The following CHERP variants were observed in gnomAD, a reference collection of about 807,000 sequenced individuals.
CHERP encodes calcium homeostasis endoplasmic reticulum protein, also known as ERPROT 213-21.
In CHERP, 8 loss-of-function variants were observed where a neutral mutation model predicts 113.8. That is an observed-to-expected ratio of 0.07 (90% CI 0.04 to 0.13). The LOEUF (loss-of-function observed/expected upper bound fraction) is 0.13, where lower values mean the gene tolerates loss of function less well. Ranked by LOEUF, CHERP falls within the 10% of genes least tolerant of loss-of-function variation. CHERP has a pLI of 1.00. For synonymous variants in CHERP, 559 were observed against 524.5 expected, an observed-to-expected ratio of 1.07 and a Z score of -0.90; for missense variants, 884 against 1,298.2, an observed-to-expected ratio of 0.68 and a Z score of 4.90.
rs1263572829 is a variant in CHERP, at chr19:16,529,907, G to A, written c.877-7C>T. 1.2e-6 allele frequency: 2 copies of A among 1,611,778 alleles called. No homozygotes were observed. Among genetic ancestry groups the A allele is most frequent in the African/African-American group, 1.3e-5 (1 of 74,912 alleles). ...ACTCGTTGATGAGGGTGGCCTGAGAGAGAGAAGAGCACCCGCTGCTCAGTA... is the reference window on the plus strand; with the variant it reads ...ACTCGTTGATGAGGGTGGCCTGAGAAAGAGAAGAGCACCCGCTGCTCAGTA... On this transcript the variant is annotated splice_region_variant and splice_polypyrimidine_tract_variant and intron_variant, in intron 7 of 16. Coordinates refer to ENST00000546361, the MANE Select transcript of CHERP (RefSeq NM_006387.6).
At chr19:16,527,233 C>G (rs565253941) in intron 9 of CHERP, among the ~76,000 whole-genome samples, 1 of 152,158 alleles carries the variant, frequency 6.6e-6, no homozygotes, top group Admixed American at 6.5e-5. Flanking sequence ...CAAGAACTGC[C>G]CCCCCCAGCA....
At position 16,535,675 on chromosome 19, in the gene CHERP, G is replaced by T; in HGVS notation, c.200-39C>A. Reference sequence around the variant, plus strand: ...AGGAGGGGTGCCCCATGAGAATGCAGATGGGGGTCTAGGTGTCCCCTTGGC... The same window carrying T: ...AGGAGGGGTGCCCCATGAGAATGCATATGGGGGTCTAGGTGTCCCCTTGGC... On this transcript the variant is annotated intron_variant, in intron 2 of 16. Transcript: ENST00000546361. The surrounding 1 kb of genome is among the most constrained non-coding windows in gnomAD (Gnocchi z 4.3). The T allele has an allele frequency of 6.8e-7, 1 of 1,463,990 alleles. No individual in the cohort carries two copies. The allele number at this position is 1,463,990 out of a possible 1,614,324, so 90.7% of individuals were successfully genotyped here. A position where few individuals can be genotyped will look rare whatever the true frequency, so the allele number is the denominator to read the frequency against.
At chr19:16,528,728 T>TG (rs2085673860) in intron 8 of CHERP, among the ~76,000 whole-genome samples, 1 of 152,116 alleles carries the variant, frequency 6.6e-6, no homozygotes, top group Non-Finnish European at 1.5e-5. Flanking sequence ...CTGAGGTGGG[T>TG]GGATCCCAAG....
In CHERP at chr19:16,518,655, G is replaced by A. The variant is rs1420974302; in HGVS notation, c.*504C>T. ...TGTGTTTCTGTTTTTCAATCCGCGG[G>A]CAGTCATGGCACTGGGCTTCGGCTT... On this transcript the variant is annotated 3_prime_UTR_variant, in exon 17 of 17. Transcript: ENST00000546361. 8 of 154,070 alleles carry A rather than the reference G, an allele frequency of 5.2e-5. No homozygotes were observed. The highest frequency in any genetic ancestry group is 6.5e-5 in the Admixed American group (1 of 15,334). The allele number at this position is 154,070 out of a possible 1,614,324, so 9.5% of individuals were successfully genotyped here.
In CHERP at chr19:16,519,854, A is replaced by C. The variant is rs1599744517; in HGVS notation, c.2463-139T>G. ...CACCGTATGCAGATTTTGCGTCTCT[A>C]CCCGTTTATCCTGTCTCAGCTAGAT... On this transcript the variant is annotated intron_variant, in intron 15 of 16. Coordinates refer to ENST00000546361, the MANE Select transcript of CHERP (RefSeq NM_006387.6). This position sits in a 1 kb window ranked among gnomAD's most constrained non-coding sequence, Gnocchi z 6.0. 1.3e-6 allele frequency: 1 copy of C among 793,832 alleles called. No homozygotes were observed. The allele number at this position is 793,832 out of a possible 1,614,324, so 49.2% of individuals were successfully genotyped here.
rs763728092 is a variant in CHERP, at chr19:16,529,665, G to A, written c.1112C>T (p.Pro371Leu). 1.8e-5 allele frequency: 28 copies of A among 1,549,064 alleles called. No individual in the cohort carries two copies. The highest frequency in any genetic ancestry group is 2.4e-5 in the South Asian group (2 of 85,006). The change falls in exon 8 of 17, where the codon CCG becomes CTG. Residue 371 changes from proline to leucine, a missense_variant. Pro to Leu is a moderately conservative substitution (Grantham distance 98). Transcript: ENST00000546361. ...CCCCGTACCAGGCTGGGTGGTGGGCGGGATGGCAGGGGCAGGTGCTGGGGC... is the reference window on the plus strand; with the variant it reads ...CCCCGTACCAGGCTGGGTGGTGGGCAGGATGGCAGGGGCAGGTGCTGGGGC... The part of the protein sequence containing the change: ...PPAPAPAPAI[P>L]PTTQPDDSKP...
intron 2 of CHERP, among the ~76,000 whole-genome samples, chr19:16,536,942 G>A (rs540273676): frequency 6.6e-6 from 1 of 152,320 alleles, no homozygotes; most frequent in Non-Finnish European, 1.5e-5. Flanking sequence ...AGCTTGCAAG[G>A]TGGAGGTTGC....
intron 11 of CHERP, among the ~76,000 whole-genome samples, chr19:16,522,543 G>A (rs1013186834): frequency 2.0e-5 from 3 of 152,174 alleles, no homozygotes; most frequent in African/African-American, 7.2e-5. Context: ...ACAGGTGTGA[G>A]CCACTACGCC....
chr19:16,538,139 T>C (rs1328331451), intron 2 of CHERP, among the ~76,000 whole-genome samples: 1 of 151,772 alleles, frequency 6.6e-6, no homozygotes, highest in Non-Finnish European at 1.5e-5. Context: ...CTCACTCCTC[T>C]CCAAGCCAGG....
intron 11 of CHERP, 94 bp downstream of exon 11, chr19:16,522,958 A>C: frequency 2.8e-6 from 4 of 1,405,274 alleles, no homozygotes; most frequent in Non-Finnish European, 2.8e-6. Flanking sequence ...GGAGCCCCGG[A>C]AGGCACCCGG....
chr19:16,528,227 A>G lies in CHERP; in HGVS notation c.1158T>C (p.Pro386=), dbSNP rs762277670. The G allele has an allele frequency of 1.9e-6, 3 of 1,596,146 alleles. No individual in the cohort carries two copies. The highest frequency in any genetic ancestry group is 2.6e-6 in the Non-Finnish European group (3 of 1,173,008). ...CTGGAGCTTCGTACTCTGAAGAGCC[A>G]GGCATCTGGATGGGAGGCTTGCTGT... is the stretch of plus-strand genomic sequence containing the variant. ...PDDSKPPIQM[P]GSSEYEAPGG... is the part of the protein sequence containing the mutation. The change falls in exon 9 of 17, where the codon CCT becomes CCC. Residue 386 remains proline (P), a synonymous_variant. Coordinates refer to ENST00000546361, the MANE Select transcript of CHERP (RefSeq NM_006387.6).
At chr19:16,522,995 G>C (rs1232841999) in intron 11 of CHERP, 57 bp downstream of exon 11, 1 of 1,471,866 alleles carries the variant, frequency 6.8e-7, no homozygotes, top group African/African-American at 1.5e-5. Context: ...TTCACAAGGA[G>C]AAACGGGGAC....
rs764198057 is a variant in CHERP at position 16,519,117 on chromosome 19, G to A, written c.*42C>T. On this transcript the variant is annotated 3_prime_UTR_variant, in exon 17 of 17. Transcript: ENST00000546361. This position sits in a 1 kb window ranked among gnomAD's most constrained non-coding sequence, Gnocchi z 6.0. ...GCCAGTCAGCCAGGAAGGTCCCACA[G>A]CCGGCACCGCTGGCCACCGGCGCGG... 12 of 1,572,366 alleles carry A rather than the reference G, an allele frequency of 7.6e-6. No homozygotes were observed. Among genetic ancestry groups the A allele is most frequent in the South Asian group, 2.3e-5 (2 of 88,150 alleles).
At position 16,530,343 on chromosome 19, in the gene CHERP, G is replaced by A. The variant is rs2085691680; in HGVS notation, c.876+242C>T. Among the ~76,000 whole-genome samples the A allele has an allele frequency of 6.6e-6, 1 of 152,204 alleles. No homozygotes were observed. Among genetic ancestry groups the A allele is most frequent in the African/African-American group, 2.4e-5 (1 of 41,452 alleles). On this transcript the variant is annotated intron_variant, in intron 7 of 16. Coordinates refer to ENST00000546361, the MANE Select transcript of CHERP (RefSeq NM_006387.6). This position sits in a 1 kb window ranked among gnomAD's most constrained non-coding sequence, Gnocchi z 4.1. ...CTGACCACCAGAGCAAATGGGCCAT[G>A]TGCAATGACTCCGAAAGGCCGCCTG...
chr19:16,532,791 TC>T lies in CHERP; in HGVS notation c.523-43del. ...AATGACGAGTGAGCAGGGCCGCGGC[TC>T]CCCCAGGCACCCACTGCATCCCTGA... On this transcript the variant is annotated intron_variant, in intron 4 of 16. Coordinates refer to ENST00000546361, the MANE Select transcript of CHERP (RefSeq NM_006387.6). The surrounding 1 kb of genome is among the most constrained non-coding windows in gnomAD (Gnocchi z 4.4). 4 of 1,579,534 alleles carry T rather than the reference TC, an allele frequency of 2.5e-6. No individual in the cohort carries two copies. The highest frequency in any genetic ancestry group is 2.6e-6 in the Non-Finnish European group (3 of 1,158,252).
intron 3 of CHERP, among the ~76,000 whole-genome samples, chr19:16,534,052 CTTTTCT>C (rs1408611708): frequency 6.0e-5 from 8 of 133,844 alleles, no homozygotes; most frequent in African/African-American, 2.2e-4. Context: ...ACTTTCTTTT[CTTTTCT>C]TTTTTTTTTT....
chr19:16,525,389 G>T lies in CHERP; in HGVS notation c.1594C>A (p.His532Asn). Reference protein sequence around the residue: ...FRGPFPPHQQHPQFNQPPHPH... With the variant: ...FRGPFPPHQQNPQFNQPPHPH... The stretch of plus-strand genomic sequence containing the variant: ...TGCGGAGGCTGGTTGAACTGCGGGT[G>T]CTGCTGGTGGGGCGGGAAGGGCCCC... The change falls in exon 10 of 17, where the codon CAC becomes AAC. Residue 532 changes from histidine (H) to asparagine (N), a missense_variant. Physicochemically the swap from His to Asn is moderately conservative, Grantham distance 68. Around this residue, in one of 8 missense-constraint regions of CHERP, gnomAD observed 464 missense variants for 590.1 expected, o/e 0.79. Transcript: ENST00000546361. This position sits in a 1 kb window ranked among gnomAD's most constrained non-coding sequence, Gnocchi z 6.5. 6.7e-7 allele frequency: 1 copy of T among 1,501,508 alleles called. No homozygotes were observed. The highest frequency in any genetic ancestry group is 8.9e-7 in the Non-Finnish European group (1 of 1,125,246). 93.0% of individuals were successfully genotyped at this position (1,501,508 alleles called of 1,614,324 possible). A position where few individuals can be genotyped will look rare whatever the true frequency, so the allele number is the denominator to read the frequency against.
In CHERP at chr19:16,523,811, C is replaced by T. The variant is rs1003358315; in HGVS notation, c.1742-521G>A. 6.6e-6 allele frequency among the ~76,000 whole-genome samples: 1 copy of T among 152,198 alleles called. No homozygotes were observed. Among genetic ancestry groups the T allele is most frequent in the Non-Finnish European group, 1.5e-5 (1 of 68,042 alleles). ...GAACCCGCCACACCTCCACCTTGGA[C>T]CTCCAGCCCCCAGATCCTTAAGACA... On this transcript the variant is annotated intron_variant, in intron 10 of 16. Coordinates refer to ENST00000546361, the MANE Select transcript of CHERP (RefSeq NM_006387.6). This position sits in a 1 kb window ranked among gnomAD's most constrained non-coding sequence, Gnocchi z 4.0.
intron 1 of CHERP, 33 bp downstream of exon 1, chr19:16,542,321 G>C: frequency 7.1e-7 from 1 of 1,410,690 alleles, no homozygotes; most frequent in South Asian, 1.7e-5. Flanking sequence ...TCCGGGGAGA[G>C]AGAAACGGTC....
Sources: gnomAD v4.1 joint callset for allele counts (sites outside exome capture counted in the v4.1 genomes callset) on GRCh38, gnomAD v4.1.1 for gene constraint, gnomAD v4.1.1 regional missense constraint, Gnocchi (gnomAD v3.1) non-coding constraint, MANE v1.5 for transcripts, NCBI Gene and HGNC (gene_info 2026-07-23, HGNC 2026-07-21) for gene names.